Variants in EYA1 observed in about 807,000 individuals in gnomAD.
EYA1 encodes EYA transcriptional coactivator and phosphatase 1, also known as protein phosphatase EYA1.
A neutral mutation model predicts 82.0 loss-of-function variants in EYA1; 16 were observed. That is an observed-to-expected ratio of 0.20 (90% CI 0.13 to 0.30). The LOEUF is 0.30. Ranked by LOEUF, EYA1 falls within the 10% of genes least tolerant of loss-of-function variation. EYA1 has a pLI of 1.00. For synonymous variants in EYA1, 261 were observed against 264.4 expected, an observed-to-expected ratio of 0.99 and a Z score of 0.12; for missense variants, 633 against 730.7, an observed-to-expected ratio of 0.87 and a Z score of 1.54.
intron 11 of EYA1, among the ~76,000 whole-genome samples, chr8:71,246,485 CTAACTT>C (rs568038473): frequency 3.9e-5 from 6 of 152,218 alleles, no homozygotes; most frequent in African/African-American, 1.2e-4. Context: ...TCTGAACACT[CTAACTT>C]TATCTCCAAT....
At chr8:71,263,416 C>T (rs1255308442) in intron 11 of EYA1, among the ~76,000 whole-genome samples, 5 of 152,170 alleles carry the variant, frequency 3.3e-5, no homozygotes, top group Non-Finnish European at 7.3e-5. Context: ...CTGGAACATC[C>T]CCACTCTAGA....
intron 2 of EYA1, among the ~76,000 whole-genome samples, chr8:71,522,201 C>A (rs575023172): frequency 6.6e-6 from 1 of 152,234 alleles, no homozygotes; most frequent in African/African-American, 2.4e-5. Flanking sequence ...CATTTTGCCT[C>A]CTTGAATATG....
chr8:71,374,466 C>T (rs1828253465), intron 2 of EYA1, among the ~76,000 whole-genome samples: 3 of 152,082 alleles, frequency 2.0e-5, no homozygotes, highest in South Asian at 4.2e-4. Context: ...CGTCCGTTAC[C>T]AAAAAGTCAG....
intron 2 of EYA1, among the ~76,000 whole-genome samples, chr8:71,444,479 G>T (rs1806695149): frequency 6.6e-6 from 1 of 152,194 alleles, no homozygotes; most frequent in Admixed American, 6.5e-5. Flanking sequence ...GTTTTAAGTG[G>T]ATAGATTTTT....
In EYA1 at chr8:71,514,700, C is replaced by G. The variant is rs190443643; in HGVS notation, c.33+21044G>C. On this transcript the variant is annotated intron_variant, in intron 2 of 18. Coordinates refer to the EYA1 transcript ENST00000643681. ...GAATAGCACAGGAAAGATGGGCCCC[C>G]ATGATTCAATTACCTCCCCCTGGGT... is the stretch of plus-strand genomic sequence containing the variant. 2.2e-3 allele frequency among the ~76,000 whole-genome samples: 335 copies of G among 152,212 alleles called. 2 individuals carry two copies. The highest frequency in any genetic ancestry group is 7.6e-3 in the African/African-American group (317 of 41,550).
chr8:71,465,805 G>C (rs1019692305), intron 2 of EYA1, among the ~76,000 whole-genome samples: 2 of 152,074 alleles, frequency 1.3e-5, no homozygotes, highest in Non-Finnish European at 2.9e-5. Context: ...GGGTATTTGT[G>C]AAAAGTTTTT....
intron 9 of EYA1, among the ~76,000 whole-genome samples, chr8:71,295,199 A>G (rs2128993787): frequency 6.6e-6 from 1 of 152,310 alleles, no homozygotes; most frequent in East Asian, 1.9e-4. Flanking sequence ...TAGATACAGG[A>G]GCAAAGGCAT....
intron 2 of EYA1, among the ~76,000 whole-genome samples, chr8:71,438,908 A>G (rs1806199674): frequency 6.6e-6 from 1 of 152,160 alleles, no homozygotes; most frequent in Non-Finnish European, 1.5e-5. Flanking sequence ...AGCAGTTCAT[A>G]GATCTGGTAT....
chr8:71,544,680 TGA>T (rs1291074079), intron 1 of EYA1, among the ~76,000 whole-genome samples: 1 of 152,206 alleles, frequency 6.6e-6, no homozygotes, highest in Non-Finnish European at 1.5e-5. Context: ...CTTTTTTAAA[TGA>T]GTTACTTACT....
chr8:71,289,139 G>A (rs1379633168), intron 9 of EYA1, among the ~76,000 whole-genome samples: 3 of 152,208 alleles, frequency 2.0e-5, no homozygotes, highest in Non-Finnish European at 4.4e-5. Flanking sequence ...CTGGAAGGAA[G>A]GGGAGGGAAA....
intron 2 of EYA1, among the ~76,000 whole-genome samples, chr8:71,457,383 C>G (rs1166101441): frequency 6.6e-6 from 1 of 152,108 alleles, no homozygotes; most frequent in Non-Finnish European, 1.5e-5. Context: ...ACTAGAAATA[C>G]CATTTGACCC....
intron 2 of EYA1, among the ~76,000 whole-genome samples, chr8:71,440,764 A>G (rs2129170263): frequency 6.6e-6 from 1 of 152,286 alleles, no homozygotes; most frequent in South Asian, 2.1e-4. Flanking sequence ...TTTAACTTGC[A>G]GCTAACAATG....
intron 6 of EYA1, among the ~76,000 whole-genome samples, chr8:71,320,198 G>A (rs1822381107): frequency 6.6e-6 from 1 of 152,196 alleles, no homozygotes; most frequent in Non-Finnish European, 1.5e-5. Context: ...GGCAAAGGGA[G>A]ATGTCCAGGT....
At chr8:71,224,716 TCTATCC>T (rs1225742488) in intron 12 of EYA1, among the ~76,000 whole-genome samples, 1 of 152,244 alleles carries the variant, frequency 6.6e-6, no homozygotes. Context: ...TGTCTGTGGA[TCTATCC>T]AGACTACCAT....
intron 17 of EYA1, among the ~76,000 whole-genome samples, chr8:71,208,915 C>A (rs1403427596): frequency 6.6e-6 from 1 of 152,172 alleles, no homozygotes; most frequent in Non-Finnish European, 1.5e-5. Context: ...TCACAGAAAC[C>A]TTGATAAGAT....
intron 9 of EYA1, among the ~76,000 whole-genome samples, chr8:71,295,643 G>A (rs75606086): frequency 0.11 from 16,303 of 152,170 alleles, 945 homozygotes; most frequent in South Asian, 0.21. Context: ...TAGCCACTTT[G>A]GAAGATGATT....
chr8:71,514,563 G>A (rs954944352), intron 2 of EYA1, among the ~76,000 whole-genome samples: 1 of 152,122 alleles, frequency 6.6e-6, no homozygotes, highest in Admixed American at 6.6e-5. Flanking sequence ...GAATCATGGC[G>A]GGATGTGAAA....
chr8:71,462,682 C>T (rs897753014), intron 2 of EYA1, among the ~76,000 whole-genome samples: 1 of 152,202 alleles, frequency 6.6e-6, no homozygotes, highest in Admixed American at 6.5e-5. Flanking sequence ...TCTCCCTGTG[C>T]CCTCCAGGCA....
Position 71,276,157 on chromosome 8 carries a change from T to C in EYA1, c.827-4260A>G, listed in dbSNP as rs568466136. Among the ~76,000 whole-genome samples, 4 of 152,354 alleles carry C rather than the reference T, an allele frequency of 2.6e-5. No homozygotes were observed. The South Asian group carries it at 8.3e-4, about 32-fold the overall frequency. ...CTGAAGAAAACACTATGTAACGTCA[T>C]TGATTACTTAGTAACATGGTCGATT... On this transcript the variant is annotated intron_variant, in intron 9 of 17. Coordinates refer to ENST00000340726, the MANE Select transcript of EYA1 (RefSeq NM_000503.6).
Sources: allele counts gnomAD v4.1 joint callset (sites outside exome capture counted in the v4.1 genomes callset), GRCh38; gene constraint gnomAD v4.1.1; transcripts MANE v1.5; gene names NCBI Gene and HGNC (gene_info 2026-07-23, HGNC 2026-07-21).